UBA52: variants seen among roughly 807,000 people sequenced by gnomAD.
UBA52 encodes the protein ubiquitin A-52 residue ribosomal protein fusion product 1, also known as ubiquitin-ribosomal protein eL40 fusion protein.
In UBA52, 1 loss-of-function variant was observed where a neutral mutation model predicts 15.3. That is an observed-to-expected ratio of 0.07 (90% confidence interval 0.02 to 0.31). The LOEUF (loss-of-function observed/expected upper bound fraction) is 0.31. Ranked by LOEUF, UBA52 falls within the 10% of genes least tolerant of loss-of-function variation. The pLI is 1.00. For missense variants in UBA52, 87 were observed against 168.0 expected (o/e 0.52, Z 2.66); for synonymous variants, 50 against 58.3 (o/e 0.86, Z 0.65).
chr19:18,567,533 G>T (rs1484372557), upstream of UBA52, among the ~76,000 whole-genome samples: 1 of 152,224 alleles, frequency 6.6e-6, no homozygotes, highest in Non-Finnish European at 1.5e-5. Flanking sequence ...CCAGCTTCGA[G>T]GATCTGTCCC....
rs925992865 is a variant in UBA52, at chr19:18,576,955, A to G, written c.*1805A>G. ...AGTGCTAGGATTACAAGCGTAAGCC[A>G]CAGCGCCTGGCCTTGCTACATTTTT... On this transcript the variant is annotated 3_prime_UTR_variant, in exon 5 of 5. Coordinates refer to ENST00000442744, the MANE Select transcript of UBA52 (RefSeq NM_001033930.3). 6.7e-6 allele frequency: 1 copy of G among 148,220 alleles called. No homozygotes were observed. Among genetic ancestry groups the G allele is most frequent in the African/African-American group, 2.5e-5 (1 of 40,276 alleles). The allele number at this position is 148,220 out of a possible 1,614,324, so 9.2% of individuals were successfully genotyped here.
chr19:18,574,735 C>T, intron 3 of UBA52, 135 bp from the exon 4 acceptor site: 1 of 1,123,418 alleles, frequency 8.9e-7, no homozygotes, highest in Non-Finnish European at 1.3e-6. Flanking sequence ...ACACGTAGAA[C>T]ACTCGGGGGA....
In UBA52 at chr19:18,573,717, C is replaced by G; in HGVS notation, c.159C>G (p.Gly53=). ...LIFAGKQLED[G]RTLSDYNIQK... is the part of the protein sequence containing the mutation. ...TTGCCGGCAAACAGCTGGAGGATGG[C>G]CGCACTCTCTCAGACTACAACATCC... is the stretch of plus-strand genomic sequence containing the variant. Residue 53 remains glycine, a synonymous_variant, in exon 3 of 5, where the codon GGC becomes GGG. Coordinates refer to ENST00000442744, the MANE Select transcript of UBA52 (RefSeq NM_001033930.3). The G allele has an allele frequency of 6.2e-7, 1 of 1,614,158 alleles. No individual in the cohort carries two copies. Among genetic ancestry groups the G allele is most frequent in the Non-Finnish European group, 8.5e-7 (1 of 1,180,028 alleles).
chr19:18,567,037 C>A, upstream of UBA52: 1 of 1,137,722 alleles, frequency 8.8e-7, no homozygotes, highest in Middle Eastern at 2.2e-4. Flanking sequence ...CCCGTCTCCC[C>A]TTGCCCTCAG....
At chr19:18,567,565 T>A (rs1287483505), upstream of UBA52, among the ~76,000 whole-genome samples, 3 of 152,134 alleles carry the variant, frequency 2.0e-5, no homozygotes, top group Non-Finnish European at 4.4e-5. Context: ...TTACCCACAG[T>A]CACCCATGGG....
chr19:18,563,826 A>G, the UBA52 span, among the ~76,000 whole-genome samples: 1 of 148,716 alleles, frequency 6.7e-6, no homozygotes, highest in South Asian at 2.1e-4. Flanking sequence ...TTTAGAAGAG[A>G]TGTGGTTTCA....
chr19:18,575,421 G>T lies in UBA52; in HGVS notation c.*271G>T. ...TCTGGATTTGTCATCTGTAAAACTGGAGTAAAAACCTCAGTCGTGTAATTG... is the reference window on the plus strand; with the variant it reads ...TCTGGATTTGTCATCTGTAAAACTGTAGTAAAAACCTCAGTCGTGTAATTG... On this transcript the variant is annotated 3_prime_UTR_variant, in exon 5 of 5. Transcript: ENST00000442744. 2.1e-6 allele frequency: 1 copy of T among 467,784 alleles called. No individual in the cohort carries two copies. Among genetic ancestry groups the T allele is most frequent in the East Asian group, 4.1e-5 (1 of 24,646 alleles). 29.0% of individuals were successfully genotyped at this position (467,784 alleles called of 1,614,324 possible). A position where few individuals can be genotyped will look rare whatever the true frequency, so the allele number is the denominator to read the frequency against.
At position 18,575,556 on chromosome 19, in the gene UBA52, T is replaced by C. The variant is rs1052122491; in HGVS notation, c.*406T>C. The C allele has an allele frequency of 2.1e-5, 5 of 240,312 alleles. No individual in the cohort carries two copies. The East Asian group carries it at 5.3e-4, about 25-fold the overall frequency. The allele number at this position is 240,312 out of a possible 1,614,324, so 14.9% of individuals were successfully genotyped here. A position where few individuals can be genotyped will look rare whatever the true frequency, so the allele number is the denominator to read the frequency against. On this transcript the variant is annotated 3_prime_UTR_variant, in exon 5 of 5. Transcript: ENST00000442744. ...AGGTGTGTGGAGATGGGTAGAAAAT[T>C]AGGTACACCCAATGGTGTAGAACGT...
At chr19:18,571,291 C>T (rs569807949), upstream of UBA52, among the ~76,000 whole-genome samples, 4 of 133,738 alleles carry the variant, frequency 3.0e-5, no homozygotes, top group African/African-American at 1.2e-4. Context: ...GCCTGGGCAA[C>T]GAGAGCGAAA....
chr19:18,573,474 C>G, intron 2 of UBA52, 71 bp downstream of exon 2: 1 of 1,407,422 alleles, frequency 7.1e-7, no homozygotes, highest in Non-Finnish European at 1.0e-6. Context: ...GAGTCTCAGT[C>G]CTGTGTGGGT....
chr19:18,568,703 G>T (rs986763215), upstream of UBA52: 57 of 1,188,632 alleles, frequency 4.8e-5, no homozygotes, highest in Non-Finnish European at 6.6e-5. Flanking sequence ...ACCCTGCCTT[G>T]TTCTGTCATC....
At chr19:18,571,222 A>T (rs1975467831), upstream of UBA52, among the ~76,000 whole-genome samples, 1 of 148,960 alleles carries the variant, frequency 6.7e-6, no homozygotes, top group East Asian at 2.0e-4. Flanking sequence ...AGGCAGGAGA[A>T]TTGCTTGAAC....
At position 18,576,857 on chromosome 19, in the gene UBA52, A is replaced by T. The variant is rs897476511; in HGVS notation, c.*1707A>T. 15 of 151,004 alleles carry T rather than the reference A, an allele frequency of 9.9e-5. No homozygotes were observed. Among genetic ancestry groups the T allele is most frequent in the Admixed American group, 2.6e-4 (4 of 15,112 alleles). 9.4% of individuals were successfully genotyped at this position (151,004 alleles called of 1,614,324 possible). ...TAGTTTTTCTGTTTTTAGTAGAGAC[A>T]GGGTTTTGCTATGTTGGCCAGGCTG... On this transcript the variant is annotated 3_prime_UTR_variant, in exon 5 of 5. Coordinates refer to ENST00000442744, the MANE Select transcript of UBA52 (RefSeq NM_001033930.3).
At chr19:18,573,047 C>A in intron 1 of UBA52, 1 of 1,327,350 alleles carries the variant, frequency 7.5e-7, no homozygotes, top group Non-Finnish European at 9.7e-7. Context: ...TGAAGAGCAC[C>A]CGTGCGGTCA....
At chr19:18,567,284 T>C, upstream of UBA52, 1 of 1,155,844 alleles carries the variant, frequency 8.7e-7, no homozygotes, top group South Asian at 1.3e-5. Flanking sequence ...CAGGCTGTAA[T>C]GGGCAGTGGG....
chr19:18,566,208 T>G, the UBA52 span, among the ~76,000 whole-genome samples: 41 of 151,448 alleles, frequency 2.7e-4, no homozygotes, highest in East Asian at 7.7e-3. Flanking sequence ...CCCAGCACTT[T>G]GGGAGGCCGA....
intron 3 of UBA52, among the ~76,000 whole-genome samples, chr19:18,574,420 CTG>C: frequency 6.6e-6 from 1 of 151,754 alleles, no homozygotes; most frequent in African/African-American, 2.4e-5. Context: ...TCCCGAGTAG[CTG>C]GGATTACAGG....
chr19:18,572,439 TCTG>T (rs1250352201), intron 1 of UBA52: 1 of 152,132 alleles, frequency 6.6e-6, no homozygotes, highest in Non-Finnish European at 1.5e-5. Flanking sequence ...GAGCGATTCT[TCTG>T]CCTCAGCCTC....
At chr19:18,568,719 C>G, upstream of UBA52, 1 of 1,002,976 alleles carries the variant, frequency 1.0e-6, no homozygotes, top group South Asian at 1.5e-5. Flanking sequence ...TCATCCAGGG[C>G]TCCTTTGCTG....
Sources: allele counts gnomAD v4.1 joint callset (sites outside exome capture counted in the v4.1 genomes callset), GRCh38; gene constraint gnomAD v4.1.1; transcripts MANE v1.5; gene names NCBI Gene and HGNC (gene_info 2026-07-23, HGNC 2026-07-21).